The following ANKS1B variants were observed in gnomAD, a reference collection of about 807,000 sequenced individuals.
The protein encoded by ANKS1B is ankyrin repeat and sterile alpha motif domain-containing protein 1B.
In ANKS1B, 36 loss-of-function variants were observed where a neutral mutation model predicts 148.3. The observed-to-expected ratio is 0.24, with a 90% CI of 0.19 to 0.32. The LOEUF (loss-of-function observed/expected upper bound fraction) is 0.32. Among genes scored for constraint, ANKS1B ranks in the 10% least tolerant of loss-of-function variants. The pLI, the probability that ANKS1B is intolerant of heterozygous loss-of-function variation, is 1.00. For synonymous variants in ANKS1B, 542 were observed against 560.8 expected (o/e 0.97, Z 0.47); for missense variants, 1,157 against 1,542.6 (o/e 0.75, Z 4.19).
intron 10 of ANKS1B, among the ~76,000 whole-genome samples, chr12:99,487,686 T>C (rs1374566016): frequency 1.3e-5 from 2 of 152,190 alleles, no homozygotes; most frequent in East Asian, 1.9e-4. Flanking sequence ...CATTATATTA[T>C]GATTTCAGAT....
At chr12:98,833,886 G>A (rs939004800) in intron 17 of ANKS1B, among the ~76,000 whole-genome samples, 5 of 152,154 alleles carry the variant, frequency 3.3e-5, no homozygotes, top group Non-Finnish European at 7.3e-5. Flanking sequence ...TAAGGGTAAT[G>A]GCCTTCAGCT....
chr12:99,447,594 AT>A (rs1204090407), intron 10 of ANKS1B, among the ~76,000 whole-genome samples: 4 of 152,150 alleles, frequency 2.6e-5, no homozygotes, highest in Non-Finnish European at 5.9e-5. Flanking sequence ...AAGAGCAAAA[AT>A]AGACAAATGG....
intron 12 of ANKS1B, among the ~76,000 whole-genome samples, chr12:99,263,033 T>C (rs1026716402): frequency 6.6e-6 from 1 of 152,108 alleles, no homozygotes; most frequent in Non-Finnish European, 1.5e-5. Flanking sequence ...ATGCATTATC[T>C]GATTTCATTC....
At chr12:98,785,678 A>C (rs1166283184) in intron 22 of ANKS1B, among the ~76,000 whole-genome samples, 1 of 152,114 alleles carries the variant, frequency 6.6e-6, no homozygotes, top group Non-Finnish European at 1.5e-5. Context: ...TGTTATGATC[A>C]TCATTCTTTT....
intron 12 of ANKS1B, among the ~76,000 whole-genome samples, chr12:99,333,854 G>GTTTTTTTTGT (rs35682274): frequency 1.9e-5 from 2 of 107,484 alleles, no homozygotes; most frequent in African/African-American, 8.0e-5. Context: ...CCAGTTCTCA[G>GTTTTTTTTGT]TTTTTTTTTT....
At position 98,884,792 on chromosome 12, in the gene ANKS1B, C is replaced by T. The variant is rs560844761; in HGVS notation, c.2779-52656G>A. On this transcript the variant is annotated intron_variant, in intron 17 of 26. Transcript: ENST00000683438. Reference sequence around the variant, plus strand: ...CCGCAGTCCGACCTGGGCGACAGAGCGAGACTCCGTCTCAAAAAAAAAAAA... The same window carrying T: ...CCGCAGTCCGACCTGGGCGACAGAGTGAGACTCCGTCTCAAAAAAAAAAAA... Among the ~76,000 whole-genome samples the T allele has an allele frequency of 8.9e-3, 1,133 of 127,416 alleles. 14 individuals are homozygous for T. Among genetic ancestry groups the T allele is most frequent in the African/African-American group, 0.034 (1,066 of 31,446 alleles). 83.6% of individuals were successfully genotyped at this position (127,416 alleles called of 152,430 possible). A position where few individuals can be genotyped will look rare whatever the true frequency, so the allele number is the denominator to read the frequency against.
chr12:99,741,850 A>C (rs2153581882), intron 8 of ANKS1B, among the ~76,000 whole-genome samples: 1 of 152,150 alleles, frequency 6.6e-6, no homozygotes, highest in Non-Finnish European at 1.5e-5. Context: ...CATGTAACAA[A>C]CCTGCACATT....
chr12:99,749,159 T>C (rs548046414), intron 8 of ANKS1B, among the ~76,000 whole-genome samples: 1 of 152,112 alleles, frequency 6.6e-6, no homozygotes, highest in South Asian at 2.1e-4. Flanking sequence ...TACCCCTACC[T>C]CCTATAAGCT....
intron 9 of ANKS1B, among the ~76,000 whole-genome samples, chr12:99,641,037 T>C (rs1329299274): frequency 2.6e-5 from 4 of 152,196 alleles, no homozygotes; most frequent in African/African-American, 9.7e-5. Context: ...CTGTATACTA[T>C]ACATACTTCC....
chr12:98,738,988 C>T (rs1398381162), downstream of ANKS1B, among the ~76,000 whole-genome samples: 9 of 152,330 alleles, frequency 5.9e-5, no homozygotes. Flanking sequence ...TTTTATGTGC[C>T]AAGCCCACAG....
chr12:99,280,222 G>T (rs2078234105), intron 12 of ANKS1B, among the ~76,000 whole-genome samples: 1 of 151,748 alleles, frequency 6.6e-6, no homozygotes. Context: ...GAGAGAAAGA[G>T]AAAGAGAGAT....
intron 11 of ANKS1B, among the ~76,000 whole-genome samples, chr12:99,413,101 G>C (rs1021370634): frequency 1.3e-5 from 2 of 152,166 alleles, no homozygotes; most frequent in Non-Finnish European, 2.9e-5. Context: ...TAAAGAAGTC[G>C]TGAGTGAGTA....
intron 8 of ANKS1B, among the ~76,000 whole-genome samples, chr12:99,669,431 T>G (rs2098525964): frequency 6.6e-6 from 1 of 152,132 alleles, no homozygotes; most frequent in African/African-American, 2.4e-5. Flanking sequence ...AAGGCTTGCT[T>G]TTACTTTTTT....
chr12:99,795,129 A>G (rs2066094962), intron 4 of ANKS1B, among the ~76,000 whole-genome samples: 3 of 151,988 alleles, frequency 2.0e-5, no homozygotes. Context: ...AGAGGTAAAT[A>G]ATAGTCAGTG....
intron 17 of ANKS1B, chr12:98,894,714 C>A: frequency 1.0e-6 from 1 of 985,604 alleles, no homozygotes; most frequent in Non-Finnish European, 1.2e-6. Flanking sequence ...GTGGCTTGAA[C>A]CTCCGCTCCC....
intron 17 of ANKS1B, among the ~76,000 whole-genome samples, chr12:98,923,247 T>C (rs2099803838): frequency 6.6e-6 from 1 of 152,186 alleles, no homozygotes; most frequent in Non-Finnish European, 1.5e-5. Flanking sequence ...CTCTGCACAC[T>C]TTGGCTCTCT....
intron 9 of ANKS1B, among the ~76,000 whole-genome samples, chr12:99,505,601 A>C (rs1266122310): frequency 6.7e-6 from 1 of 148,606 alleles, no homozygotes; most frequent in African/African-American, 2.4e-5. Context: ...TCTACTATAT[A>C]TATGTAGAAT....
intron 1 of ANKS1B, among the ~76,000 whole-genome samples, chr12:99,907,791 T>A (rs1047493868): frequency 4.1e-5 from 6 of 147,164 alleles, no homozygotes; most frequent in Non-Finnish European, 7.4e-5. Flanking sequence ...TAATTTGTTT[T>A]CTCCTCTCCA....
intron 12 of ANKS1B, among the ~76,000 whole-genome samples, chr12:99,338,112 G>T (rs899255314): frequency 6.6e-6 from 1 of 152,158 alleles, no homozygotes; most frequent in African/African-American, 2.4e-5. Flanking sequence ...CTTCCCTTCA[G>T]GGAGGTAAGC....
Sources: gnomAD v4.1 joint callset for allele counts (sites outside exome capture counted in the v4.1 genomes callset) on GRCh38, gnomAD v4.1.1 for gene constraint, MANE v1.5 for transcripts, NCBI Gene and HGNC (gene_info 2026-07-23, HGNC 2026-07-21) for gene names.